The following PLPPR5 variants were observed in gnomAD, a reference collection of about 807,000 sequenced individuals.
PLPPR5 encodes the protein phospholipid phosphatase related 5, also known as phospholipid phosphatase-related protein type 5.
A neutral mutation model predicts 33.9 loss-of-function variants in PLPPR5; 16 were observed. The observed-to-expected ratio is 0.47, with a 90% CI of 0.32 to 0.72. The LOEUF (loss-of-function observed/expected upper bound fraction) is 0.72, where lower values mean the gene tolerates loss of function less well. PLPPR5 is among the 30% of genes least tolerant of loss of function. The pLI, the probability that PLPPR5 is intolerant of heterozygous loss-of-function variation, is 0.03. For synonymous variants in PLPPR5, 163 were observed against 150.3 expected (o/e 1.08, Z -0.62); for missense variants, 301 against 406.7 (o/e 0.74, Z 2.23).
At chr1:98,940,016 G>C (rs767217123) in intron 3 of PLPPR5, among the ~76,000 whole-genome samples, 3 of 151,864 alleles carry the variant, frequency 2.0e-5, no homozygotes, top group African/African-American at 7.2e-5. Context: ...AGCAGAAATA[G>C]TCTAGTGTAA....
chr1:98,897,764 C>T (rs1339897523), intron 5 of PLPPR5, among the ~76,000 whole-genome samples: 5 of 152,044 alleles, frequency 3.3e-5, no homozygotes, highest in African/African-American at 1.2e-4. Context: ...GAAATTTTAG[C>T]AAGCAATTTA....
chr1:98,972,025 C>T (rs1316900831), intron 1 of PLPPR5, among the ~76,000 whole-genome samples: 2 of 152,024 alleles, frequency 1.3e-5, no homozygotes, highest in Admixed American at 6.6e-5. Context: ...CATTCTCCAG[C>T]TGCCACCTCT....
chr1:98,967,195 C>G (rs1651483428), intron 1 of PLPPR5, among the ~76,000 whole-genome samples: 1 of 151,868 alleles, frequency 6.6e-6, no homozygotes, highest in Admixed American at 6.6e-5. Flanking sequence ...TTAAATAAAT[C>G]CTAAAGTAAA....
intron 3 of PLPPR5, among the ~76,000 whole-genome samples, chr1:98,931,320 C>T (rs1356000275): frequency 1.3e-5 from 2 of 151,562 alleles, no homozygotes; most frequent in East Asian, 3.9e-4. Flanking sequence ...TGAATGCTTA[C>T]TATGTGTCAA....
intron 1 of PLPPR5, among the ~76,000 whole-genome samples, chr1:98,966,251 G>A (rs1557686600): frequency 6.6e-6 from 1 of 152,094 alleles, no homozygotes; most frequent in African/African-American, 2.4e-5. Flanking sequence ...ATAATAATTT[G>A]TTAGTAAAGT....
intron 3 of PLPPR5, among the ~76,000 whole-genome samples, chr1:98,939,724 A>C (rs532926679): frequency 1.3e-5 from 2 of 151,982 alleles, no homozygotes; most frequent in South Asian, 4.2e-4. Flanking sequence ...TGGTGGTGCC[A>C]GCGATACCTG....
chr1:98,896,267 C>T (rs1459700333), intron 5 of PLPPR5, among the ~76,000 whole-genome samples: 2 of 152,044 alleles, frequency 1.3e-5, no homozygotes, highest in African/African-American at 2.4e-5. Context: ...ACATGGAAAA[C>T]CAGAATTGTG....
intron 1 of PLPPR5, among the ~76,000 whole-genome samples, chr1:98,987,579 C>G: frequency 6.6e-6 from 1 of 151,790 alleles, no homozygotes; most frequent in East Asian, 1.9e-4. Flanking sequence ...TTTCTGAAAG[C>G]CTTTTGCAAG....
chr1:98,901,128 A>G (rs1002109970), intron 5 of PLPPR5, among the ~76,000 whole-genome samples: 9 of 152,274 alleles, frequency 5.9e-5, no homozygotes, highest in Admixed American at 5.9e-4. Flanking sequence ...CATCCATACA[A>G]CAGGATACTA....
chr1:98,995,911 C>A (rs1000293164), intron 1 of PLPPR5, among the ~76,000 whole-genome samples: 13 of 151,856 alleles, frequency 8.6e-5, no homozygotes, highest in Non-Finnish European at 1.9e-4. Flanking sequence ...GTAAAAATAA[C>A]CTAAAAGCTG....
At chr1:98,991,543 A>G (rs990555) in intron 1 of PLPPR5, among the ~76,000 whole-genome samples, 11,441 of 152,228 alleles carry the variant, frequency 0.075, 531 homozygotes, top group East Asian at 0.25. Context: ...GGCAGCCAGA[A>G]TAGTAGAAAG....
At chr1:98,958,244 T>C (rs1651090791) in intron 1 of PLPPR5, among the ~76,000 whole-genome samples, 1 of 152,210 alleles carries the variant, frequency 6.6e-6, no homozygotes, top group South Asian at 2.1e-4. Context: ...AAAAGTAGTA[T>C]CTATGATTAC....
chr1:99,000,179 C>T (rs968240759), intron 1 of PLPPR5, among the ~76,000 whole-genome samples: 2 of 152,150 alleles, frequency 1.3e-5, no homozygotes, highest in Non-Finnish European at 2.9e-5. Flanking sequence ...CTGAACAGTA[C>T]CTATTTTCAA....
At chr1:98,930,035 T>C (rs12092401) in intron 3 of PLPPR5, among the ~76,000 whole-genome samples, 1 of 152,276 alleles carries the variant, frequency 6.6e-6, no homozygotes, top group East Asian at 1.9e-4. Flanking sequence ...ATCTCCAAGA[T>C]TTAAAATTCC....
intron 3 of PLPPR5, among the ~76,000 whole-genome samples, chr1:98,948,026 A>G (rs971246982): frequency 2.0e-5 from 3 of 152,234 alleles, no homozygotes; most frequent in Admixed American, 6.5e-5. Context: ...GAAAAGAAGT[A>G]CATGATGGCA....
intron 5 of PLPPR5, among the ~76,000 whole-genome samples, chr1:98,901,468 T>TA (rs373871533): frequency 7.6e-4 from 115 of 151,920 alleles, no homozygotes; most frequent in African/African-American, 2.6e-3. Flanking sequence ...AAATCCAAAT[T>TA]AAAAAAAATT....
intron 1 of PLPPR5, among the ~76,000 whole-genome samples, chr1:98,987,731 T>C (rs10443196): frequency 0.3 from 45,130 of 151,694 alleles, 7,960 homozygotes; most frequent in Non-Finnish European, 0.4. Flanking sequence ...AGTGGGTTCA[T>C]GAAACTGTTA....
At position 98,947,629 on chromosome 1, in the gene PLPPR5, G is replaced by T. The variant is rs12058307; in HGVS notation, c.621+5441C>A. ...AAGATTTTAAAACACGCAGTTCATG[G>T]AGTAGTGTGGGGAAAGGGAGACAGG... On this transcript the variant is annotated intron_variant, in intron 3 of 5. Coordinates refer to ENST00000263177, the MANE Select transcript of PLPPR5 (RefSeq NM_001037317.2). 7.8e-3 allele frequency among the ~76,000 whole-genome samples: 1,195 copies of T among 152,242 alleles called. 16 individuals are homozygous for T. Among genetic ancestry groups the T allele is most frequent in the African/African-American group, 0.027 (1,134 of 41,542 alleles).
rs56394601 is a variant in PLPPR5, at chr1:98,933,438, G to A, written c.622-11380C>T. On this transcript the variant is annotated intron_variant, in intron 3 of 5. Transcript: ENST00000263177. ...GCGGAGCTTGCAGTGAGTTGAGATC[G>A]TGCCACTGCACTCCAGCCTGGGCGA... is the stretch of plus-strand genomic sequence containing the variant. Among the ~76,000 whole-genome samples, 120 of 147,380 alleles carry A rather than the reference G, an allele frequency of 8.1e-4. 1 individual carries two copies. The East Asian group carries it at 0.019, about 23-fold the overall frequency.
Sources: allele counts gnomAD v4.1 joint callset (sites outside exome capture counted in the v4.1 genomes callset), GRCh38; gene constraint gnomAD v4.1.1; transcripts MANE v1.5; gene names NCBI Gene and HGNC (gene_info 2026-07-23, HGNC 2026-07-21).